The following PHF14 variants were observed in gnomAD, a reference collection of about 807,000 sequenced individuals.
PHF14 encodes PHD finger protein 14.
PHF14 carries 55 observed loss-of-function variants against 117.9 expected under a neutral mutation model. The observed-to-expected ratio is 0.47, with a 90% confidence interval of 0.38 to 0.58. PHF14 has a LOEUF of 0.58. Ranked by LOEUF, PHF14 falls within the 20% of genes least tolerant of loss-of-function variation. PHF14 has a pLI of 0.00. For synonymous variants in PHF14, 409 were observed against 368.6 expected, an observed-to-expected ratio of 1.11 and a Z score of -1.26; for missense variants, 978 against 1,122.2, an observed-to-expected ratio of 0.87 and a Z score of 1.84.
chr7:11,090,636 G>A (rs1052040627), intron 16 of PHF14, among the ~76,000 whole-genome samples: 1 of 152,108 alleles, frequency 6.6e-6, no homozygotes, highest in Non-Finnish European at 1.5e-5. Context: ...TAAAGAAATT[G>A]TGGAATCTTG....
chr7:11,141,919 A>C (rs994127100), intron 17 of PHF14, among the ~76,000 whole-genome samples: 1 of 151,988 alleles, frequency 6.6e-6, no homozygotes, highest in African/African-American at 2.4e-5. Context: ...GAAAAATACT[A>C]GCATATCTTC....
chr7:11,122,570 T>C (rs1273639128), intron 17 of PHF14, among the ~76,000 whole-genome samples: 1 of 151,224 alleles, frequency 6.6e-6, no homozygotes, highest in Non-Finnish European at 1.5e-5. Flanking sequence ...TGATTCCCAG[T>C]AGAGGGAACC....
chr7:11,003,587 C>G (rs1357040206), intron 4 of PHF14, among the ~76,000 whole-genome samples: 1 of 152,158 alleles, frequency 6.6e-6, no homozygotes, highest in Non-Finnish European at 1.5e-5. Context: ...TCCATCATCT[C>G]ACATAATTAC....
chr7:10,976,585 G>T (rs1781873570), intron 2 of PHF14, among the ~76,000 whole-genome samples: 1 of 151,980 alleles, frequency 6.6e-6, no homozygotes, highest in Admixed American at 6.5e-5. Context: ...TGTTCATTGA[G>T]ATGGAATATT....
intron 4 of PHF14, among the ~76,000 whole-genome samples, chr7:11,009,839 C>T (rs982711727): frequency 1.2e-4 from 19 of 152,288 alleles, no homozygotes; most frequent in African/African-American, 4.6e-4. Flanking sequence ...ACCATTCTTC[C>T]AGATTACAAA....
intron 2 of PHF14, among the ~76,000 whole-genome samples, chr7:10,976,267 C>T (rs1781861814): frequency 6.6e-6 from 1 of 152,094 alleles, no homozygotes; most frequent in Non-Finnish European, 1.5e-5. Flanking sequence ...TCCTTTGCTT[C>T]TCAGCTCTTT....
intron 4 of PHF14, among the ~76,000 whole-genome samples, chr7:11,001,431 T>C (rs1203793565): frequency 2.0e-5 from 3 of 152,178 alleles, no homozygotes; most frequent in African/African-American, 7.2e-5. Context: ...ATCTACAAAA[T>C]TACATCCTGG....
intron 4 of PHF14, among the ~76,000 whole-genome samples, chr7:11,001,934 G>C (rs1236071200): frequency 6.6e-6 from 1 of 152,058 alleles, no homozygotes; most frequent in Non-Finnish European, 1.5e-5. Context: ...TCATCTTTGT[G>C]GGCAAGCTTC....
chr7:11,102,416 A>C, intron 16 of PHF14: 1 of 1,550,858 alleles, frequency 6.4e-7, no homozygotes, highest in Non-Finnish European at 8.8e-7. Context: ...AGTATGTTTC[A>C]TAAGACATAG....
At chr7:10,997,792 A>C (rs775091450) in intron 4 of PHF14, among the ~76,000 whole-genome samples, 1 of 152,226 alleles carries the variant, frequency 6.6e-6, no homozygotes, top group Non-Finnish European at 1.5e-5. Context: ...GCTTCAGAGT[A>C]AGTGATCAAA....
At chr7:11,061,386 CAA>C (rs910312423) in intron 14 of PHF14, 1 of 152,994 alleles carries the variant, frequency 6.5e-6, no homozygotes, top group African/African-American at 2.4e-5. Context: ...TGTAGGCAAA[CAA>C]TGTGTGTAGT....
intron 4 of PHF14, among the ~76,000 whole-genome samples, chr7:11,002,688 C>G (rs1782919412): frequency 6.6e-6 from 1 of 152,168 alleles, no homozygotes; most frequent in South Asian, 2.1e-4. Context: ...TGGTGATCCA[C>G]TCGCCTCTGC....
At chr7:11,140,076 C>G (rs1287862689) in intron 17 of PHF14, among the ~76,000 whole-genome samples, 4 of 152,044 alleles carry the variant, frequency 2.6e-5, no homozygotes, top group African/African-American at 9.7e-5. Context: ...GTACACATCC[C>G]TACATACACC....
At chr7:11,098,416 C>T (rs573060287) in intron 16 of PHF14, among the ~76,000 whole-genome samples, 3 of 152,074 alleles carry the variant, frequency 2.0e-5, no homozygotes, top group African/African-American at 7.2e-5. Context: ...TTTCTCTGTT[C>T]CTCACTTCTG....
chr7:10,994,252 A>G (rs1188596796), intron 4 of PHF14, among the ~76,000 whole-genome samples: 1 of 152,036 alleles, frequency 6.6e-6, no homozygotes, highest in African/African-American at 2.4e-5. Flanking sequence ...AGCCTGTCCA[A>G]CATGGTGAAA....
intron 17 of PHF14, among the ~76,000 whole-genome samples, chr7:11,159,156 C>T (rs1331423401): frequency 6.6e-6 from 1 of 151,782 alleles, no homozygotes; most frequent in African/African-American, 2.4e-5. Context: ...ATATTATTTT[C>T]CTTAAGAAAA....
intron 16 of PHF14, among the ~76,000 whole-genome samples, chr7:11,079,430 G>A (rs375177927): frequency 1.3e-5 from 2 of 152,120 alleles, no homozygotes; most frequent in East Asian, 1.9e-4. Context: ...AAAGCCATTC[G>A]TAGTACCTGC....
intron 17 of PHF14, among the ~76,000 whole-genome samples, chr7:11,118,234 G>T (rs1427714227): frequency 2.6e-5 from 4 of 151,840 alleles, no homozygotes; most frequent in Admixed American, 6.6e-5. Flanking sequence ...TAAAACTGTG[G>T]TATGTGGTTA....
intron 4 of PHF14, 32 bp from the exon 5 acceptor site, chr7:11,013,715 C>G: frequency 7.9e-7 from 1 of 1,268,592 alleles, no homozygotes; most frequent in Non-Finnish European, 1.1e-6. Flanking sequence ...AAAATAAACC[C>G]TATTTAATCA....
Sources: allele counts gnomAD v4.1 joint callset (sites outside exome capture counted in the v4.1 genomes callset), GRCh38; gene constraint gnomAD v4.1.1; transcripts MANE v1.5; gene names NCBI Gene and HGNC (gene_info 2026-07-23, HGNC 2026-07-21).